The following AGPAT3 variants were observed in gnomAD, a reference collection of about 807,000 sequenced individuals.
AGPAT3 encodes 1-acylglycerol-3-phosphate O-acyltransferase 3, also known as 1-acyl-sn-glycerol-3-phosphate acyltransferase gamma.
A neutral mutation model predicts 47.3 loss-of-function variants in AGPAT3; 5 were observed. The ratio of observed to expected loss-of-function variants is 0.11; its 90% CI spans 0.06 to 0.22. AGPAT3 has a LOEUF of 0.22. AGPAT3 is among the 10% of genes least tolerant of loss of function. The pLI is 1.00. For missense variants in AGPAT3, 315 were observed against 493.0 expected, an observed-to-expected ratio of 0.64 and a Z score of 3.42; for synonymous variants, 212 against 208.3, an observed-to-expected ratio of 1.02 and a Z score of -0.15.
intron 2 of AGPAT3, among the ~76,000 whole-genome samples, chr21:43,906,822 G>C (rs2086509289): frequency 6.6e-6 from 1 of 152,212 alleles, no homozygotes; most frequent in Admixed American, 6.5e-5. Context: ...GAGCTGCGTG[G>C]AGACACCCGT....
At position 43,908,414 on chromosome 21, in the gene AGPAT3, G is replaced by T. The variant is rs377243619; in HGVS notation, c.-49+4395G>T. Among the ~76,000 whole-genome samples, 4 of 152,316 alleles carry T rather than the reference G, an allele frequency of 2.6e-5. No individual in the cohort carries two copies. Among genetic ancestry groups the T allele is most frequent in the African/African-American group, 9.6e-5 (4 of 41,562 alleles). On this transcript the variant is annotated intron_variant, in intron 2 of 9. Transcript: ENST00000291572. The surrounding 1 kb of genome is among the most constrained non-coding windows in gnomAD (Gnocchi z 4.9). ...CAGAAAGGAGGTGTCCCGATCAGGG[G>T]GAGCACATGGGCTGGGAACTTGTGG...
At position 43,870,550 on chromosome 21, in the gene AGPAT3, T is replaced by TA. The variant is rs796183117; in HGVS notation, c.-112+5220dup. On this transcript the variant is annotated intron_variant, in intron 1 of 9. Transcript: ENST00000291572. ...AACATGATGAAACCCCATCTCTACT[T>TA]AAAAAAAAAAAAAAACCCAAAAATT... Among the ~76,000 whole-genome samples the TA allele has an allele frequency of 4.0e-3, 573 of 141,566 alleles. 1 individual carries two copies. Among genetic ancestry groups the TA allele is most frequent in the East Asian group, 0.014 (71 of 4,934 alleles). 92.9% of individuals were successfully genotyped at this position (141,566 alleles called of 152,430 possible).
intron 1 of AGPAT3, among the ~76,000 whole-genome samples, chr21:43,873,964 A>C (rs1379335539): frequency 6.6e-6 from 1 of 152,130 alleles, no homozygotes; most frequent in African/African-American, 2.4e-5. Flanking sequence ...TTTCTAGGTT[A>C]CTGAATTGAA....
chr21:43,913,718 G>T (rs1237667355), intron 2 of AGPAT3, among the ~76,000 whole-genome samples: 1 of 152,180 alleles, frequency 6.6e-6, no homozygotes, highest in East Asian at 1.9e-4. Context: ...GTTGGCAGCT[G>T]CTGGGAGACA....
chr21:43,957,506 C>T (rs1359932578), intron 2 of AGPAT3, among the ~76,000 whole-genome samples: 3 of 137,942 alleles, frequency 2.2e-5, no homozygotes, highest in African/African-American at 5.6e-5. Context: ...CCCCTCCACA[C>T]GGGGGGTCTC....
chr21:43,943,780 G>A (rs995169828), intron 2 of AGPAT3, among the ~76,000 whole-genome samples: 1 of 152,246 alleles, frequency 6.6e-6, no homozygotes, highest in Non-Finnish European at 1.5e-5. Context: ...GGTGGGCGAT[G>A]GCAGTAGTGG....
At chr21:43,910,646 C>T (rs768336843) in intron 2 of AGPAT3, among the ~76,000 whole-genome samples, 9 of 152,180 alleles carry the variant, frequency 5.9e-5, no homozygotes, top group Non-Finnish European at 1.2e-4. Context: ...GTTCCGGTCA[C>T]TGCAGTTCTT....
intron 1 of AGPAT3, among the ~76,000 whole-genome samples, chr21:43,874,317 C>T (rs10775683): frequency 0.66 from 100,397 of 152,240 alleles, 34,641 homozygotes; most frequent in Admixed American, 0.78. Flanking sequence ...TGAGCCACCA[C>T]GCCCGGTCCT....
chr21:43,936,135 G>A (rs528970869), intron 2 of AGPAT3, among the ~76,000 whole-genome samples: 1 of 152,338 alleles, frequency 6.6e-6, no homozygotes, highest in East Asian at 1.9e-4. Context: ...AAGAGGGGGA[G>A]CCAAGGCCAG....
intron 2 of AGPAT3, 142 bp from the exon 3 acceptor site, chr21:43,959,490 CGT>C: frequency 7.3e-6 from 5 of 683,754 alleles, no homozygotes; most frequent in South Asian, 5.3e-5. Flanking sequence ...GTGTGTGGCA[CGT>C]GTGTGGGGTT....
rs1242940167 is a variant in AGPAT3, at chr21:43,986,870, C to T, written c.*4478C>T. Among the ~76,000 whole-genome samples the T allele has an allele frequency of 6.6e-6, 1 of 152,220 alleles. No homozygotes were observed. Among genetic ancestry groups the T allele is most frequent in the Admixed American group, 6.5e-5 (1 of 15,280 alleles). ...CACTTCATTTTTACAAGTTTTGCTA[C>T]TCACAAGCTTTATGTAGTGGAGGAT... On this transcript the variant is annotated 3_prime_UTR_variant, in exon 10 of 10. Coordinates refer to ENST00000291572, the MANE Select transcript of AGPAT3 (RefSeq NM_020132.5).
rs79284287 is a variant in AGPAT3, at chr21:43,933,389, G to A, written c.-48-26245G>A. ...TCATGCAGAAGCTGTTTAGTTTGCCGTAATCCCAGTGGTCTATGTTTGCTT... is the reference window on the plus strand; with the variant it reads ...TCATGCAGAAGCTGTTTAGTTTGCCATAATCCCAGTGGTCTATGTTTGCTT... On this transcript the variant is annotated intron_variant, in intron 2 of 9. Coordinates refer to ENST00000291572, the MANE Select transcript of AGPAT3 (RefSeq NM_020132.5). The surrounding 1 kb of genome is among the most constrained non-coding windows in gnomAD (Gnocchi z 6.0). 2.2e-3 allele frequency among the ~76,000 whole-genome samples: 335 copies of A among 152,216 alleles called. 3 individuals carry two copies. Among genetic ancestry groups the A allele is most frequent in the Non-Finnish European group, 3.0e-3 (201 of 68,028 alleles).
In AGPAT3 at chr21:43,871,072, G is replaced by A. The variant is rs181229484; in HGVS notation, c.-112+5727G>A. On this transcript the variant is annotated intron_variant, in intron 1 of 9. Coordinates refer to ENST00000291572, the MANE Select transcript of AGPAT3 (RefSeq NM_020132.5). ...TATTTATTTTTAACAAACTGCACACGCCAAATTACAAATGTTGCCAACTGA... is the reference window on the plus strand; with the variant it reads ...TATTTATTTTTAACAAACTGCACACACCAAATTACAAATGTTGCCAACTGA... Among the ~76,000 whole-genome samples, 7 of 152,304 alleles carry A rather than the reference G, an allele frequency of 4.6e-5. No homozygotes were observed. The East Asian group carries it at 1.3e-3, about 29-fold the overall frequency.
chr21:43,969,309 C>A (rs1014616066), intron 5 of AGPAT3, 30 bp downstream of exon 5: 1 of 1,610,996 alleles, frequency 6.2e-7, no homozygotes, highest in Non-Finnish European at 8.5e-7. Context: ...CGATACCCTG[C>A]ATGCCTGGAG....
In AGPAT3 at chr21:43,931,894, C is replaced by G. The variant is rs368794660; in HGVS notation, c.-48-27740C>G. Among the ~76,000 whole-genome samples, 14 of 149,332 alleles carry G rather than the reference C, an allele frequency of 9.4e-5. 1 individual carries two copies. The highest frequency in any genetic ancestry group is 7.4e-4 in the Admixed American group (11 of 14,964). On this transcript the variant is annotated intron_variant, in intron 2 of 9. Coordinates refer to ENST00000291572, the MANE Select transcript of AGPAT3 (RefSeq NM_020132.5). The stretch of plus-strand genomic sequence containing the variant: ...TCCATACAGGTTGAGGTTTTGTTTC[C>G]GTTCTGCTTTTTACCTGAAGAGGAT...
chr21:43,943,494 A>T (rs2087740834), intron 2 of AGPAT3, among the ~76,000 whole-genome samples: 2 of 152,196 alleles, frequency 1.3e-5, no homozygotes, highest in African/African-American at 4.8e-5. Flanking sequence ...CACAGTGGTG[A>T]GCAGGCAGTC....
rs1569089958 is a variant in AGPAT3 at position 43,957,462 on chromosome 21, AGGGTTTCCCCTCCACACGGGGGGTCTC to A, written c.-48-2122_-48-2096del. Among the ~76,000 whole-genome samples the A allele has an allele frequency of 2.4e-3, 361 of 150,784 alleles. 3 individuals are homozygous for A. The highest frequency in any genetic ancestry group is 7.9e-3 in the African/African-American group (321 of 40,516). On this transcript the variant is annotated intron_variant, in intron 2 of 9. Transcript: ENST00000291572. ...TGGCAGCACCGCCAGCCTGACTGCC[AGGGTTTCCCCTCCACACGGGGGGTCTC>A]GGGTTTCCCCTCCACACGGGGGGTC...
At chr21:43,879,762 G>C (rs921399600) in intron 1 of AGPAT3, among the ~76,000 whole-genome samples, 118 of 152,312 alleles carry the variant, frequency 7.7e-4, no homozygotes, top group African/African-American at 2.7e-3. Context: ...TGGCTGGGCC[G>C]CCCGGGGATG....
chr21:43,873,776 G>C (rs2085675661), intron 1 of AGPAT3, among the ~76,000 whole-genome samples: 1 of 152,048 alleles, frequency 6.6e-6, no homozygotes. Flanking sequence ...TCCTAAAATG[G>C]TTTTACCTTT....
Sources: allele counts gnomAD v4.1 joint callset (sites outside exome capture counted in the v4.1 genomes callset), GRCh38; gene constraint gnomAD v4.1.1; non-coding constraint Gnocchi (gnomAD v3.1); transcripts MANE v1.5; gene names NCBI Gene and HGNC (gene_info 2026-07-23, HGNC 2026-07-21).